MGAT4C: variants seen among roughly 807,000 people sequenced by gnomAD.
The protein encoded by MGAT4C is alpha-1,3-mannosyl-glycoprotein 4-beta-N-acetylglucosaminyltransferase C.
A neutral mutation model predicts 40.1 loss-of-function variants in MGAT4C; 19 were observed. The ratio of observed to expected loss-of-function variants is 0.47; its 90% CI spans 0.33 to 0.70. The LOEUF (loss-of-function observed/expected upper bound fraction) is 0.70, where lower values mean the gene tolerates loss of function less well. Among genes scored for constraint, MGAT4C ranks in the 30% least tolerant of loss-of-function variants. The pLI is 0.02. For missense variants in MGAT4C, 491 were observed against 563.2 expected, an observed-to-expected ratio of 0.87 and a Z score of 1.30; for synonymous variants, 181 against 187.1, an observed-to-expected ratio of 0.97 and a Z score of 0.27.
chr12:86,375,646 T>C (rs868792764), intron 3 of MGAT4C, among the ~76,000 whole-genome samples: 11 of 152,162 alleles, frequency 7.2e-5, no homozygotes, highest in Middle Eastern at 3.8e-3. Context: ...TACCTGTATA[T>C]AGTTATTTAT....
At chr12:86,425,134 G>T (rs1956901750) in intron 3 of MGAT4C, among the ~76,000 whole-genome samples, 1 of 152,148 alleles carries the variant, frequency 6.6e-6, no homozygotes, top group Non-Finnish European at 1.5e-5. Flanking sequence ...GATAGAATCT[G>T]AGTTCAAGCC....
intron 2 of MGAT4C, among the ~76,000 whole-genome samples, chr12:86,569,638 C>T (rs1960282610): frequency 6.6e-6 from 1 of 151,984 alleles, no homozygotes; most frequent in Admixed American, 6.6e-5. Flanking sequence ...TGATATTTCT[C>T]AAAACACTAA....
At chr12:86,325,746 T>G (rs1424943379) in intron 4 of MGAT4C, among the ~76,000 whole-genome samples, 2 of 152,042 alleles carry the variant, frequency 1.3e-5, no homozygotes, top group Admixed American at 1.3e-4. Flanking sequence ...GGTCTGCTGG[T>G]GCAGCCTGTA....
rs142258200 is a variant in MGAT4C, at chr12:86,529,836, A to G, written c.-228-94571T>C. On this transcript the variant is annotated intron_variant, in intron 2 of 7. Coordinates refer to the MGAT4C transcript ENST00000548651. ...GAGGGATTCATTCCAGGAGTCCTTCATGGATACCAAAAATCTGTACATGTT... is the reference window on the plus strand; with the variant it reads ...GAGGGATTCATTCCAGGAGTCCTTCGTGGATACCAAAAATCTGTACATGTT... Among the ~76,000 whole-genome samples, 61 of 152,022 alleles carry G rather than the reference A, an allele frequency of 4.0e-4. 1 individual carries two copies. In the East Asian group the frequency reaches 0.011, roughly 28 times the overall value.
intron 1 of MGAT4C, among the ~76,000 whole-genome samples, chr12:86,789,700 G>A (rs1210788560): frequency 1.3e-5 from 2 of 152,050 alleles, no homozygotes; most frequent in Non-Finnish European, 2.9e-5. Flanking sequence ...TAAAGGATTT[G>A]CACTATTTAT....
At chr12:86,057,280 T>C (rs986043123) in intron 1 of MGAT4C, among the ~76,000 whole-genome samples, 1 of 152,154 alleles carries the variant, frequency 6.6e-6, no homozygotes, top group South Asian at 2.1e-4. Context: ...TGGGCTGTTA[T>C]AGTATCTACC....
At chr12:86,812,967 G>C (rs1451691538) in intron 1 of MGAT4C, among the ~76,000 whole-genome samples, 1 of 152,058 alleles carries the variant, frequency 6.6e-6, no homozygotes, top group Non-Finnish European at 1.5e-5. Context: ...GAAAAAATTA[G>C]CCTAGATAGG....
intron 1 of MGAT4C, among the ~76,000 whole-genome samples, chr12:86,188,966 G>T (rs1372969341): frequency 2.0e-5 from 3 of 151,860 alleles, no homozygotes; most frequent in Non-Finnish European, 4.4e-5. Context: ...TAAAATAAGA[G>T]TGGTTAGGGT....
intron 2 of MGAT4C, among the ~76,000 whole-genome samples, chr12:86,512,870 G>C (rs1450005616): frequency 2.0e-5 from 3 of 152,018 alleles, no homozygotes; most frequent in African/African-American, 7.2e-5. Context: ...CATGCCTATA[G>C]TTAATAATAC....
At chr12:86,679,493 A>C (rs1267993360) in intron 2 of MGAT4C, among the ~76,000 whole-genome samples, 1 of 152,048 alleles carries the variant, frequency 6.6e-6, no homozygotes, top group Non-Finnish European at 1.5e-5. Context: ...TTGAAATATG[A>C]CAAGATTGTT....
chr12:86,536,757 T>C (rs1341381628), intron 2 of MGAT4C, among the ~76,000 whole-genome samples: 1 of 152,104 alleles, frequency 6.6e-6, no homozygotes, highest in Non-Finnish European at 1.5e-5. Flanking sequence ...TGTTCTTTCT[T>C]GAGAATAAAA....
chr12:86,683,585 C>A lies in MGAT4C; in HGVS notation c.-229+43624G>T, dbSNP rs11104033. Among the ~76,000 whole-genome samples, 1,161 of 151,864 alleles carry A rather than the reference C, an allele frequency of 7.6e-3. 16 individuals carry two copies. The highest frequency in any genetic ancestry group is 0.025 in the African/African-American group (1,050 of 41,434). ...AAAACTCACTACTATGAAAAAAAAACCAAAAAAATCCTCACCATGACTCAC... is the reference window on the plus strand; with the variant it reads ...AAAACTCACTACTATGAAAAAAAAAACAAAAAAATCCTCACCATGACTCAC... On this transcript the variant is annotated intron_variant, in intron 2 of 7. Coordinates refer to the MGAT4C transcript ENST00000548651.
intron 2 of MGAT4C, among the ~76,000 whole-genome samples, chr12:86,677,728 C>A (rs1286709300): frequency 6.6e-6 from 1 of 151,826 alleles, no homozygotes; most frequent in Admixed American, 6.6e-5. Flanking sequence ...CACATAAAAT[C>A]CATTTGAGAC....
At chr12:86,835,536 G>A (rs1953020258) in intron 1 of MGAT4C, among the ~76,000 whole-genome samples, 1 of 151,768 alleles carries the variant, frequency 6.6e-6, no homozygotes, top group Non-Finnish European at 1.5e-5. Context: ...AAGGGCAAAG[G>A]GCACGGTATA....
intron 2 of MGAT4C, among the ~76,000 whole-genome samples, chr12:86,648,996 C>A (rs1196682435): frequency 2.0e-5 from 3 of 151,728 alleles, no homozygotes; most frequent in Non-Finnish European, 4.4e-5. Flanking sequence ...TCCATTATAA[C>A]AATTTTATTT....
At chr12:86,600,264 T>C (rs1260292389) in intron 2 of MGAT4C, among the ~76,000 whole-genome samples, 1 of 152,138 alleles carries the variant, frequency 6.6e-6, no homozygotes, top group Non-Finnish European at 1.5e-5. Context: ...GAAAGCCTAT[T>C]AGTGTGACTG....
intron 1 of MGAT4C, among the ~76,000 whole-genome samples, chr12:86,152,134 CA>C (rs1884358832): frequency 6.6e-6 from 1 of 152,190 alleles, no homozygotes. Context: ...GGGCTCCTTC[CA>C]AATCCCTGTA....
chr12:86,106,412 TA>T (rs1161575180), intron 1 of MGAT4C, among the ~76,000 whole-genome samples: 1 of 152,138 alleles, frequency 6.6e-6, no homozygotes, highest in African/African-American at 2.4e-5. Context: ...GCAGTCCTCT[TA>T]CATCAGCCCC....
rs534305789 is a variant in MGAT4C at position 86,540,736 on chromosome 12, C to CAAAAAGAGAGAG, written c.-228-105472_-228-105471insCTCTCTCTTTTT. On this transcript the variant is annotated intron_variant, in intron 2 of 7. Transcript: ENST00000548651. ...GAGTGACAGAGTGAGACTCCATCTC[C>CAAAAAGAGAGAG]AGAAAGAGAGAGAGAGAGAGAGAGA... 3.1e-3 allele frequency among the ~76,000 whole-genome samples: 468 copies of CAAAAAGAGAGAG among 149,218 alleles called. 1 individual carries two copies. Among genetic ancestry groups the CAAAAAGAGAGAG allele is most frequent in the African/African-American group, 0.011 (451 of 41,020 alleles).
Sources: gnomAD v4.1 joint callset for allele counts (sites outside exome capture counted in the v4.1 genomes callset) on GRCh38, gnomAD v4.1.1 for gene constraint, MANE v1.5 for transcripts, NCBI Gene and HGNC (gene_info 2026-07-23, HGNC 2026-07-21) for gene names.